The following DNAJC22 variants were observed in gnomAD, a reference collection of about 807,000 sequenced individuals.
DNAJC22 encodes dnaJ homolog subfamily C member 22.
Under a neutral mutation model 22.2 loss-of-function variants are expected in DNAJC22, and 24 were observed. The observed-to-expected ratio is 1.08, with a 90% confidence interval of 0.78 to 1.52. The LOEUF is 1.52. Ranked by LOEUF, DNAJC22 falls within the 40% of genes most tolerant of loss-of-function variation. The pLI, the probability that DNAJC22 is intolerant of heterozygous loss-of-function variation, is 0.00. For missense variants in DNAJC22, 434 were observed against 421.7 expected (o/e 1.03, Z -0.26); for synonymous variants, 160 against 167.4 (o/e 0.96, Z 0.34).
chr12:49,349,173 T>G lies in DNAJC22; in HGVS notation c.301T>G (p.Ser101Ala). ...CCTTGTGGCACTGATTAGCCTTTCTTCCATGGTCAACTTCTATATTGTGGC... is the reference window on the plus strand; with the variant it reads ...CCTTGTGGCACTGATTAGCCTTTCTGCCATGGTCAACTTCTATATTGTGGC... The part of the protein sequence containing the change: ...FGLVALISLS[S>A]MVNFYIVALP... Residue 101 changes from serine (S) to alanine (A), a missense_variant, in exon 3 of 4, where the codon TCC (serine) becomes GCC (alanine). Transcript: ENST00000549441. 6 of 1,614,154 alleles carry G rather than the reference T, an allele frequency of 3.7e-6. No individual in the cohort carries two copies. Among genetic ancestry groups the G allele is most frequent in the Non-Finnish European group, 5.1e-6 (6 of 1,180,014 alleles).
In DNAJC22 at chr12:49,348,902, C is replaced by T. The variant is rs199791754; in HGVS notation, c.30C>T (p.Ala10=). The T allele has an allele frequency of 7.0e-5, 106 of 1,517,622 alleles. No individual in the cohort carries two copies. Among genetic ancestry groups the T allele is most frequent in the Non-Finnish European group, 8.8e-5 (100 of 1,135,680 alleles). 94.0% of individuals were successfully genotyped at this position (1,517,622 alleles called of 1,614,324 possible). A position where few individuals can be genotyped will look rare whatever the true frequency, so the allele number is the denominator to read the frequency against. ...CCAAGGGGCTCCTGGTGACCTATGC[C>T]CTCTGGGCTGTGGGGGGCCCTGCTG... The part of the protein sequence containing the change: MAKGLLVTY[A]LWAVGGPAGL... The change falls in exon 3 of 4, where the codon GCC becomes GCT. Residue 10 remains alanine (A), a synonymous_variant. Transcript: ENST00000549441.
Position 49,349,248 on chromosome 12 carries a change from A to G in DNAJC22, c.376A>G (p.Asn126Asp), listed in dbSNP as rs928199263. The G allele has an allele frequency of 6.2e-7, 1 of 1,614,092 alleles. No individual in the cohort carries two copies. The highest frequency in any genetic ancestry group is 2.2e-5 in the East Asian group (1 of 44,872). Residue 126 changes from asparagine (N) to aspartate (D), a missense_variant, in exon 3 of 4, where the codon AAC becomes GAC. Transcript: ENST00000549441. ...LGVLLVAAVG[N>D]QTSDFKNTLG... Reference sequence around the variant, plus strand: ...GGTCTTGCTGGTGGCTGCTGTTGGCAACCAGACCTCAGACTTTAAGAACAC... The same window carrying G: ...GGTCTTGCTGGTGGCTGCTGTTGGCGACCAGACCTCAGACTTTAAGAACAC...
rs147745657 is a variant in DNAJC22, at chr12:49,352,296, T to A, written c.*794T>A. The A allele has an allele frequency of 1.3e-5, 2 of 152,136 alleles. No homozygotes were observed. The highest frequency in any genetic ancestry group is 6.5e-5 in the Admixed American group (1 of 15,270). The allele number at this position is 152,136 out of a possible 1,614,324, so 9.4% of individuals were successfully genotyped here. A position where few individuals can be genotyped will look rare whatever the true frequency, so the allele number is the denominator to read the frequency against. On this transcript the variant is annotated 3_prime_UTR_variant, in exon 4 of 4. Coordinates refer to ENST00000549441, the MANE Select transcript of DNAJC22 (RefSeq NM_001304944.2). Reference sequence around the variant, plus strand: ...GGAAGCTGAGGTGGGAGGATCACCTTAGGTCAGGAGTTCAAGACCAGCCTG... The same window carrying A: ...GGAAGCTGAGGTGGGAGGATCACCTAAGGTCAGGAGTTCAAGACCAGCCTG...
chr12:49,348,940 T>A lies in DNAJC22; in HGVS notation c.68T>A (p.Leu23Gln). Residue 23 changes from leucine (L) to glutamine (Q), a missense_variant, in exon 3 of 4, where the codon CTG becomes CAG. By Grantham distance (113) the Leu-to-Gln change is moderately radical. Transcript: ENST00000549441. ...GGGGGCCCTGCTGGGCTCCACCACC[T>A]GTACCTGGGAAGGGACAGCCACGCC... ...AVGGPAGLHH[L>Q]YLGRDSHALL... 2.0e-6 allele frequency: 3 copies of A among 1,525,352 alleles called. No individual in the cohort carries two copies. Among genetic ancestry groups the A allele is most frequent in the Non-Finnish European group, 2.6e-6 (3 of 1,139,974 alleles). The allele number at this position is 1,525,352 out of a possible 1,614,324, so 94.5% of individuals were successfully genotyped here.
Position 49,349,247 on chromosome 12 carries a change from C to T in DNAJC22, c.375C>T (p.Gly125=). The T allele has an allele frequency of 1.9e-6, 3 of 1,614,196 alleles. No homozygotes were observed. The highest frequency in any genetic ancestry group is 2.5e-6 in the Non-Finnish European group (3 of 1,180,028). ...GGGTCTTGCTGGTGGCTGCTGTTGG[C>T]AACCAGACCTCAGACTTTAAGAACA... ...GLGVLLVAAV[G]NQTSDFKNTL... is the part of the protein sequence containing the mutation. The change falls in exon 3 of 4, where the codon GGC becomes GGT. Residue 125 remains glycine (G), a synonymous_variant. Coordinates refer to ENST00000549441, the MANE Select transcript of DNAJC22 (RefSeq NM_001304944.2).
rs1254774261 is a variant in DNAJC22 at position 49,347,806 on chromosome 12, G to A, written c.-407G>A. ...TGGCGGCCATGGTGCGGTGGTGTGG[G>A]AGGAGCTGGGCCCGGGCTGGGCACT... On this transcript the variant is annotated 5_prime_UTR_variant, in exon 2 of 4. Coordinates refer to ENST00000549441, the MANE Select transcript of DNAJC22 (RefSeq NM_001304944.2). 1 of 152,414 alleles carries A rather than the reference G, an allele frequency of 6.6e-6. No homozygotes were observed. The highest frequency in any genetic ancestry group is 1.9e-4 in the East Asian group (1 of 5,188). The allele number at this position is 152,414 out of a possible 1,614,324, so 9.4% of individuals were successfully genotyped here. A position where few individuals can be genotyped will look rare whatever the true frequency, so the allele number is the denominator to read the frequency against.
rs74089059 is a variant in DNAJC22, at chr12:49,347,064, G to T, written c.-1057G>T. 0.13 allele frequency: 20,113 copies of T among 152,336 alleles called. 3,275 individuals are homozygous for T. Among genetic ancestry groups the T allele is most frequent in the African/African-American group, 0.38 (15,956 of 41,514 alleles). 9.4% of individuals were successfully genotyped at this position (152,336 alleles called of 1,614,324 possible). On this transcript the variant is annotated 5_prime_UTR_variant, in exon 1 of 4. Transcript: ENST00000549441. ...GGGGACCTCGGAGATCCACGAGATTGCCAGAGAAGGAAATTGAGGCCCAAG... is the reference window on the plus strand; with the variant it reads ...GGGGACCTCGGAGATCCACGAGATTTCCAGAGAAGGAAATTGAGGCCCAAG...
intron 3 of DNAJC22, 183 bp from the exon 4 acceptor site, chr12:49,351,134 T>A: frequency 1.0e-6 from 1 of 980,786 alleles, no homozygotes; most frequent in Non-Finnish European, 1.2e-6. Context: ...TCTAAAATAA[T>A]TTTTTTCTTT....
Position 49,348,987 on chromosome 12 carries a change from G to T in DNAJC22, c.115G>T (p.Gly39Trp), listed in dbSNP as rs756316142. 1.3e-6 allele frequency: 2 copies of T among 1,559,180 alleles called. No homozygotes were observed. The highest frequency in any genetic ancestry group is 1.7e-6 in the Non-Finnish European group (2 of 1,155,190). The change falls in exon 3 of 4, where the codon GGG (glycine) becomes TGG (tryptophan). Residue 39 changes from glycine (G) to tryptophan (W), a missense_variant. Coordinates refer to ENST00000549441, the MANE Select transcript of DNAJC22 (RefSeq NM_001304944.2). ...CGCCCTGCTCTGGATGCTGACCCTG[G>T]GGGGAGGTGGGCTGGGCTGGCTCTG... ...SHALLWMLTL[G>W]GGGLGWLWEF...
At position 49,348,987 on chromosome 12, in the gene DNAJC22, G is replaced by A. The variant is rs756316142; in HGVS notation, c.115G>A (p.Gly39Arg). The change falls in exon 3 of 4, where the codon GGG becomes AGG. Residue 39 changes from glycine to arginine, a missense_variant. Coordinates refer to ENST00000549441, the MANE Select transcript of DNAJC22 (RefSeq NM_001304944.2). ...SHALLWMLTL[G>R]GGGLGWLWEF... ...CGCCCTGCTCTGGATGCTGACCCTG[G>A]GGGGAGGTGGGCTGGGCTGGCTCTG... 6.4e-7 allele frequency: 1 copy of A among 1,559,180 alleles called. No homozygotes were observed. Among genetic ancestry groups the A allele is most frequent in the South Asian group, 1.2e-5 (1 of 80,456 alleles).
chr12:49,353,312 C>A lies in DNAJC22; in HGVS notation c.*1810C>A, dbSNP rs949706459. 18 of 152,014 alleles carry A rather than the reference C, an allele frequency of 1.2e-4. 1 individual carries two copies. Among genetic ancestry groups the A allele is most frequent in the Admixed American group, 9.2e-4 (14 of 15,262 alleles). 9.4% of individuals were successfully genotyped at this position (152,014 alleles called of 1,614,324 possible). ...GTGTGTGCATTCTTTCCATTTTTTT[C>A]TTCTTTCTGGATGTTAAATCTGAGT... On this transcript the variant is annotated 3_prime_UTR_variant, in exon 4 of 4. Coordinates refer to ENST00000549441, the MANE Select transcript of DNAJC22 (RefSeq NM_001304944.2).
Position 49,351,631 on chromosome 12 carries a change from C to T in DNAJC22, c.*129C>T. ...TGCTTGCAGGGGCTGGGCGTGGTGG[C>T]TCATGCCTGTAATCCCAGCACTTTG... On this transcript the variant is annotated 3_prime_UTR_variant, in exon 4 of 4. Coordinates refer to ENST00000549441, the MANE Select transcript of DNAJC22 (RefSeq NM_001304944.2). The T allele has an allele frequency of 9.7e-7, 1 of 1,027,260 alleles. No homozygotes were observed. Among genetic ancestry groups the T allele is most frequent in the Non-Finnish European group, 1.3e-6 (1 of 750,240 alleles). The allele number at this position is 1,027,260 out of a possible 1,614,324, so 63.6% of individuals were successfully genotyped here.
Position 49,351,420 on chromosome 12 carries a change from A to G in DNAJC22, c.944A>G (p.Glu315Gly). ...GACCACAACCTGGACCAGACAGAGG[A>G]GGCACAGAGGCACTTCCTGGAGATC... ...HPDHNLDQTE[E>G]AQRHFLEIQA... Residue 315 changes from glutamate (E) to glycine (G), a missense_variant, in exon 4 of 4, where the codon GAG becomes GGG. Transcript: ENST00000549441. 6.2e-7 allele frequency: 1 copy of G among 1,608,344 alleles called. No individual in the cohort carries two copies. The highest frequency in any genetic ancestry group is 8.5e-7 in the Non-Finnish European group (1 of 1,177,936).
At position 49,349,014 on chromosome 12, in the gene DNAJC22, G is replaced by A; in HGVS notation, c.142G>A (p.Glu48Lys). 1 of 1,585,348 alleles carries A rather than the reference G, an allele frequency of 6.3e-7. No homozygotes were observed. The highest frequency in any genetic ancestry group is 8.6e-7 in the Non-Finnish European group (1 of 1,166,448). ...LGGGGLGWLW[E>K]FWKLPSFVAQ... is the part of the protein sequence containing the mutation. Reference sequence around the variant, plus strand: ...GGGAGGTGGGCTGGGCTGGCTCTGGGAGTTCTGGAAGCTCCCAAGCTTTGT... The same window carrying A: ...GGGAGGTGGGCTGGGCTGGCTCTGGAAGTTCTGGAAGCTCCCAAGCTTTGT... The change falls in exon 3 of 4, where the codon GAG becomes AAG. Residue 48 changes from glutamate to lysine, a missense_variant. By Grantham distance (56) the Glu-to-Lys change is moderately conservative. Transcript: ENST00000549441.
Position 49,349,028 on chromosome 12 carries a change from C to A in DNAJC22, c.156C>A (p.Leu52=). The part of the protein sequence containing the change: ...GLGWLWEFWK[L]PSFVAQANRA... ...GCTGGCTCTGGGAGTTCTGGAAGCT[C>A]CCAAGCTTTGTAGCTCAGGCCAACA... Residue 52 remains leucine (L), a synonymous_variant, in exon 3 of 4, where the codon CTC becomes CTA. Coordinates refer to ENST00000549441, the MANE Select transcript of DNAJC22 (RefSeq NM_001304944.2). 6 of 1,600,250 alleles carry A rather than the reference C, an allele frequency of 3.7e-6. No individual in the cohort carries two copies. In the South Asian group the frequency reaches 5.6e-5, roughly 15 times the overall value.
Position 49,349,126 on chromosome 12 carries a change from T to A in DNAJC22, c.254T>A (p.Val85Glu), listed in dbSNP as rs766314906. 4.3e-6 allele frequency: 7 copies of A among 1,614,156 alleles called. No homozygotes were observed. The Admixed American group carries it at 1.0e-4, about 23-fold the overall frequency. The stretch of plus-strand genomic sequence containing the variant: ...AGTCCCATTCGCTTTGCTGCCCAGG[T>A]GATAGTTGGCATCTATTTTGGCCTT... ...PLSPIRFAAQ[V>E]IVGIYFGLVA... The change falls in exon 3 of 4, where the codon GTG (valine) becomes GAG (glutamate). Residue 85 changes from valine to glutamate, a missense_variant. Physicochemically the swap from Val to Glu is moderately radical, Grantham distance 121. Transcript: ENST00000549441.
Position 49,347,345 on chromosome 12 carries a change from C to G in DNAJC22, c.-776C>G, listed in dbSNP as rs1350317747. ...ATTGGGAGGCTCCTCAGGTCTCAGG[C>G]TCAGGTGCAGAAGCAGAGCCCCTAA... On this transcript the variant is annotated 5_prime_UTR_variant, in exon 1 of 4. Coordinates refer to ENST00000549441, the MANE Select transcript of DNAJC22 (RefSeq NM_001304944.2). 1 of 152,416 alleles carries G rather than the reference C, an allele frequency of 6.6e-6. No homozygotes were observed. Among genetic ancestry groups the G allele is most frequent in the Non-Finnish European group, 1.5e-5 (1 of 68,186 alleles). 9.4% of individuals were successfully genotyped at this position (152,416 alleles called of 1,614,324 possible).
Position 49,348,800 on chromosome 12 carries a change from G to T in DNAJC22, c.-73G>T. ...ATAACTCTGGGGCCATGACAGCCAT[G>T]AGTCTCACAGAGGACCCCGAGACTT... On this transcript the variant is annotated 5_prime_UTR_variant, in exon 3 of 4. An upstream start codon of the reference 5' UTR is lost. Transcript: ENST00000549441. The T allele has an allele frequency of 7.0e-7, 1 of 1,431,938 alleles. No individual in the cohort carries two copies. The highest frequency in any genetic ancestry group is 1.8e-5 in the South Asian group (1 of 54,796). 88.7% of individuals were successfully genotyped at this position (1,431,938 alleles called of 1,614,324 possible).
rs1943740046 is a variant in DNAJC22, at chr12:49,349,133, T to A, written c.261T>A (p.Val87=). 2 of 1,614,180 alleles carry A rather than the reference T, an allele frequency of 1.2e-6. No homozygotes were observed. The highest frequency in any genetic ancestry group is 1.7e-6 in the Non-Finnish European group (2 of 1,180,024). The part of the protein sequence containing the change: ...SPIRFAAQVI[V]GIYFGLVALI... Reference sequence around the variant, plus strand: ...TTCGCTTTGCTGCCCAGGTGATAGTTGGCATCTATTTTGGCCTTGTGGCAC... The same window carrying A: ...TTCGCTTTGCTGCCCAGGTGATAGTAGGCATCTATTTTGGCCTTGTGGCAC... Residue 87 remains valine (V), a synonymous_variant, in exon 3 of 4, where the codon GTT becomes GTA. Transcript: ENST00000549441.
Sources: allele counts gnomAD v4.1 joint callset, GRCh38; gene constraint gnomAD v4.1.1; transcripts MANE v1.5; gene names NCBI Gene and HGNC (gene_info 2026-07-23, HGNC 2026-07-21).